The following BLOC1S5 variants were observed in gnomAD, a reference collection of about 807,000 sequenced individuals.
BLOC1S5 encodes the protein biogenesis of lysosome-related organelles complex 1 subunit 5.
Under a neutral mutation model 24.3 loss-of-function variants are expected in BLOC1S5, and 27 were observed. That is an observed-to-expected ratio of 1.11 (90% CI 0.82 to 1.53). BLOC1S5 has a LOEUF of 1.53. BLOC1S5 is among the 40% of genes most tolerant of loss of function. BLOC1S5 has a pLI of 0.00. For synonymous variants in BLOC1S5, 84 were observed against 74.5 expected (o/e 1.13, Z -0.66); for missense variants, 239 against 229.4 (o/e 1.04, Z -0.27).
chr6:8,038,428 G>C (rs1487884038), intron 3 of BLOC1S5, among the ~76,000 whole-genome samples: 1 of 152,202 alleles, frequency 6.6e-6, no homozygotes, highest in African/African-American at 2.4e-5. Flanking sequence ...CTAATTATCA[G>C]AGAAATGCAA....
At chr6:8,028,865 T>C (rs1763193721) in intron 3 of BLOC1S5, among the ~76,000 whole-genome samples, 1 of 152,078 alleles carries the variant, frequency 6.6e-6, no homozygotes, top group African/African-American at 2.4e-5. Context: ...GAAGGCCCAT[T>C]TCTCTGAACC....
chr6:8,056,941 G>A (rs1459686099), intron 2 of BLOC1S5, among the ~76,000 whole-genome samples: 1 of 152,210 alleles, frequency 6.6e-6, no homozygotes, highest in Non-Finnish European at 1.5e-5. Context: ...AAAAGGCCTG[G>A]CGTGGTGGCT....
chr6:8,015,521 T>C lies in BLOC1S5; in HGVS notation c.*128A>G. On this transcript the variant is annotated 3_prime_UTR_variant, in exon 5 of 5. Coordinates refer to ENST00000397457, the MANE Select transcript of BLOC1S5 (RefSeq NM_201280.3). ...AGAATGCCAGTAGAAACTTCTTTCTTCTGATATAAGAGTGCCACTGAATAT... is the reference window on the plus strand; with the variant it reads ...AGAATGCCAGTAGAAACTTCTTTCTCCTGATATAAGAGTGCCACTGAATAT... 1 of 930,724 alleles carries C rather than the reference T, an allele frequency of 1.1e-6. No individual in the cohort carries two copies. The allele number at this position is 930,724 out of a possible 1,614,324, so 57.7% of individuals were successfully genotyped here. A position where few individuals can be genotyped will look rare whatever the true frequency, so the allele number is the denominator to read the frequency against.
At chr6:8,057,265 A>C (rs1261930605) in intron 2 of BLOC1S5, among the ~76,000 whole-genome samples, 1 of 151,934 alleles carries the variant, frequency 6.6e-6, no homozygotes, top group Non-Finnish European at 1.5e-5. Context: ...ACCCCAAAAA[A>C]CCCATGACAC....
chr6:8,058,357 G>GAA (rs60827828), intron 2 of BLOC1S5, among the ~76,000 whole-genome samples: 3,232 of 83,972 alleles, frequency 0.038, 591 homozygotes, highest in Non-Finnish European at 0.055. Flanking sequence ...CTGTCTCTAT[G>GAA]AAAAAAAAAA....
chr6:8,020,116 T>C (rs952904301), intron 4 of BLOC1S5, among the ~76,000 whole-genome samples: 4 of 152,238 alleles, frequency 2.6e-5, no homozygotes, highest in South Asian at 2.1e-4. Context: ...TTCTGTAACA[T>C]TTAATAAATT....
intron 3 of BLOC1S5, among the ~76,000 whole-genome samples, chr6:8,034,852 G>A (rs1231132989): frequency 6.6e-6 from 1 of 152,096 alleles, no homozygotes; most frequent in Non-Finnish European, 1.5e-5. Flanking sequence ...CATGTTTACA[G>A]CAGCACAATT....
chr6:8,019,810 T>G (rs771635846), intron 4 of BLOC1S5, among the ~76,000 whole-genome samples: 1 of 152,250 alleles, frequency 6.6e-6, no homozygotes, highest in Non-Finnish European at 1.5e-5. Context: ...CCGAGCCTAC[T>G]TGACCTACAT....
Position 8,026,381 on chromosome 6 carries a change from G to A in BLOC1S5, c.370C>T (p.Gln124Ter), listed in dbSNP as rs1437041217. The change falls in exon 4 of 5, where the codon CAG becomes TAG. Residue 124 changes from glutamine (Q) to a stop codon, truncating the protein, a stop_gained. Coordinates refer to ENST00000397457, the MANE Select transcript of BLOC1S5 (RefSeq NM_201280.3). LOFTEE classifies it high-confidence loss of function. ...TGATCTTTTACCTTTTTTCGTTCCT[G>A]TTCCCTCTGTTGGAGTCTACAGACT... ...DSVCRLQQREQERKKIHSDHL... is the reference protein window; with the variant it reads ...DSVCRLQQRE The A allele has an allele frequency of 6.2e-7, 1 of 1,611,330 alleles. No individual in the cohort carries two copies. The highest frequency in any genetic ancestry group is 8.5e-7 in the Non-Finnish European group (1 of 1,178,412).
In BLOC1S5 at chr6:8,064,368, G is replaced by A. The variant is rs1009309351; in HGVS notation, c.9C>T (p.Gly3=). The A allele has an allele frequency of 1.2e-6, 2 of 1,609,650 alleles. No homozygotes were observed. The highest frequency in any genetic ancestry group is 2.7e-5 in the African/African-American group (2 of 74,900). Residue 3 remains glycine (G), a synonymous_variant, in exon 1 of 5, where the codon GGC becomes GGT. Coordinates refer to ENST00000397457, the MANE Select transcript of BLOC1S5 (RefSeq NM_201280.3). MS[G]GGTETPVGCE... ...AACCCACAGGGGTCTCTGTCCCTCC[G>A]CCACTCATCCCGACCAGTTCCGCCC...
chr6:8,015,708 T>C lies in BLOC1S5; in HGVS notation c.505A>G (p.Arg169Gly). ...ATCTCAGCATATTGTTCTTTAAGCC[T>C]TTCCATGGCTTTTCTGTGCTCTTCA... ...VDEEHRKAME[R>G]LKEQYAEMEK... Residue 169 changes from arginine to glycine, a missense_variant, in exon 5 of 5, where the codon AGG (arginine) becomes GGG (glycine). Physicochemically the swap from Arg to Gly is moderately radical, Grantham distance 125. Coordinates refer to ENST00000397457, the MANE Select transcript of BLOC1S5 (RefSeq NM_201280.3). The C allele has an allele frequency of 6.2e-7, 1 of 1,614,148 alleles. No homozygotes were observed.
intron 2 of BLOC1S5, among the ~76,000 whole-genome samples, chr6:8,050,372 T>A (rs1764065476): frequency 6.6e-6 from 1 of 152,036 alleles, no homozygotes; most frequent in African/African-American, 2.4e-5. Context: ...CCCCATCTCT[T>A]TCCCTCTCCT....
chr6:8,017,543 G>A (rs2815167), intron 4 of BLOC1S5, among the ~76,000 whole-genome samples: 128,568 of 152,284 alleles, frequency 0.84, 54,605 homozygotes, highest in East Asian at 1. Context: ...AGGAAAAAGA[G>A]ACCATCTTCA....
intron 4 of BLOC1S5, among the ~76,000 whole-genome samples, chr6:8,025,167 C>T (rs1763063733): frequency 1.3e-5 from 2 of 152,348 alleles, no homozygotes; most frequent in East Asian, 3.9e-4. Context: ...ACTTTATCCT[C>T]TATTATTATA....
In BLOC1S5 at chr6:8,050,820, G is replaced by A. The variant is rs149138921; in HGVS notation, c.196-9552C>T. Among the ~76,000 whole-genome samples, 211 of 151,958 alleles carry A rather than the reference G, an allele frequency of 1.4e-3. 4 individuals are homozygous for A. The East Asian group carries it at 0.04, about 29-fold the overall frequency. ...GGGTTTCGCCATGTTGGCCAGGCTG[G>A]TCTTGAACTCCTGACTTCAGGTGAT... On this transcript the variant is annotated intron_variant, in intron 2 of 4. Coordinates refer to ENST00000397457, the MANE Select transcript of BLOC1S5 (RefSeq NM_201280.3).
intron 2 of BLOC1S5, among the ~76,000 whole-genome samples, chr6:8,058,744 TA>T (rs1561872261): frequency 6.6e-6 from 1 of 152,080 alleles, no homozygotes; most frequent in Non-Finnish European, 1.5e-5. Context: ...GGCAACATCC[TA>T]GGGGGATAGA....
chr6:8,054,175 C>T (rs1764232351), intron 2 of BLOC1S5: 1 of 400,008 alleles, frequency 2.5e-6, no homozygotes, highest in Non-Finnish European at 4.9e-6. Flanking sequence ...CTTTTCCCTC[C>T]TTTTTGGGAT....
chr6:8,024,426 G>A (rs539242074), intron 4 of BLOC1S5, among the ~76,000 whole-genome samples: 45 of 143,626 alleles, frequency 3.1e-4, no homozygotes, highest in Middle Eastern at 4.0e-3. Flanking sequence ...GCTGAGGCAG[G>A]AGAATAGCTT....
chr6:8,063,685 TTG>T (rs1158182580), intron 1 of BLOC1S5, among the ~76,000 whole-genome samples: 1 of 152,184 alleles, frequency 6.6e-6, no homozygotes, highest in Non-Finnish European at 1.5e-5. Flanking sequence ...GCAAACAGCG[TTG>T]TGAGCTTTAG....
Sources: gnomAD v4.1 joint callset for allele counts (sites outside exome capture counted in the v4.1 genomes callset) on GRCh38, gnomAD v4.1.1 for gene constraint, MANE v1.5 for transcripts, NCBI Gene and HGNC (gene_info 2026-07-23, HGNC 2026-07-21) for gene names.